The following THSD7B variants were observed in gnomAD, a reference collection of about 807,000 sequenced individuals.
The protein encoded by THSD7B is thrombospondin type-1 domain-containing protein 7B.
Under a neutral mutation model 213.6 loss-of-function variants are expected in THSD7B, and 138 were observed. The observed-to-expected ratio is 0.65, with a 90% confidence interval of 0.56 to 0.74. THSD7B has a LOEUF of 0.74. Among genes scored for constraint, THSD7B ranks in the 30% least tolerant of loss-of-function variants. The pLI, the probability that THSD7B is intolerant of heterozygous loss-of-function variation, is 0.00. For missense variants in THSD7B, 1,931 were observed against 1,991.5 expected (o/e 0.97, Z 0.58); for synonymous variants, 742 against 687.0 (o/e 1.08, Z -1.25).
At chr2:137,050,917 T>C (rs940497910) in intron 2 of THSD7B, among the ~76,000 whole-genome samples, 4 of 152,228 alleles carry the variant, frequency 2.6e-5, no homozygotes, top group African/African-American at 9.6e-5. Context: ...GTAATGGATA[T>C]ATCTGATGAG....
chr2:137,182,777 G>A (rs970942656), intron 7 of THSD7B, among the ~76,000 whole-genome samples: 1 of 152,110 alleles, frequency 6.6e-6, no homozygotes, highest in African/African-American at 2.4e-5. Context: ...GTGTCATCGT[G>A]TATACTGTGT....
At chr2:137,491,817 C>G (rs1291895329) in intron 15 of THSD7B, among the ~76,000 whole-genome samples, 1 of 152,152 alleles carries the variant, frequency 6.6e-6, no homozygotes, top group East Asian at 1.9e-4. Context: ...AAAAAAAATT[C>G]TGGAAAGAGA....
chr2:136,973,902 A>T (rs1310836529), intron 2 of THSD7B, among the ~76,000 whole-genome samples: 1 of 152,220 alleles, frequency 6.6e-6, no homozygotes, highest in African/African-American at 2.4e-5. Context: ...TTAAAACTAA[A>T]CTATCATGCG....
chr2:137,146,456 T>A (rs968268720), intron 5 of THSD7B, among the ~76,000 whole-genome samples: 15 of 152,092 alleles, frequency 9.9e-5, no homozygotes, highest in African/African-American at 3.4e-4. Context: ...TTAGGAATCA[T>A]AAAATCTTGG....
rs72977613 is a variant in THSD7B, at chr2:137,319,835, G to T, written c.2500+43809G>T. Among the ~76,000 whole-genome samples the T allele has an allele frequency of 1.3e-5, 2 of 151,936 alleles. 1 individual carries two copies. The highest frequency in any genetic ancestry group is 4.2e-4 in the South Asian group (2 of 4,816). ...CTTGGCGGTGGTGGCGGGTGGCGGG[G>T]GTGGTCAAATGAGTTATAAGCATAG... On this transcript the variant is annotated intron_variant, in intron 12 of 27. Transcript: ENST00000409968.
intron 2 of THSD7B, among the ~76,000 whole-genome samples, chr2:137,002,732 A>G (rs1032193577): frequency 6.6e-6 from 1 of 152,042 alleles, no homozygotes; most frequent in Non-Finnish European, 1.5e-5. Context: ...CCTGTATTTG[A>G]TTCTATATCA....
intron 1 of THSD7B, among the ~76,000 whole-genome samples, chr2:136,773,768 C>T (rs1007678111): frequency 1.1e-4 from 17 of 152,090 alleles, no homozygotes; most frequent in Admixed American, 3.9e-4. Flanking sequence ...TTCCTTTTAA[C>T]GGTACATACC....
chr2:137,583,856 T>G (rs1349623782), intron 17 of THSD7B, among the ~76,000 whole-genome samples: 2 of 152,214 alleles, frequency 1.3e-5, no homozygotes, highest in African/African-American at 2.4e-5. Flanking sequence ...TTAAAGTAGT[T>G]TTTTCCAATT....
intron 2 of THSD7B, among the ~76,000 whole-genome samples, chr2:136,940,814 T>C (rs1684810733): frequency 6.7e-6 from 1 of 149,604 alleles, no homozygotes; most frequent in African/African-American, 2.4e-5. Context: ...GGTAGTTTTT[T>C]TGTAGGTGTT....
intron 1 of THSD7B, among the ~76,000 whole-genome samples, chr2:136,804,229 C>A (rs1682243025): frequency 6.6e-6 from 1 of 152,096 alleles, no homozygotes; most frequent in South Asian, 2.1e-4. Flanking sequence ...AATGTAATTA[C>A]CTTTCTATGT....
intron 11 of THSD7B, among the ~76,000 whole-genome samples, chr2:137,273,025 TACACACACACACACACACAC>T (rs71877881): frequency 1.8e-4 from 25 of 140,970 alleles, no homozygotes; most frequent in African/African-American, 5.8e-4. Context: ...GGAGAAGGAA[TACACACACACACACACACAC>T]ACACACACAC....
chr2:137,229,627 G>A (rs896471160), intron 7 of THSD7B, among the ~76,000 whole-genome samples: 3 of 152,138 alleles, frequency 2.0e-5, no homozygotes, highest in African/African-American at 7.2e-5. Flanking sequence ...CTCAGAAAAA[G>A]AATATCCATC....
At chr2:136,911,853 T>C (rs1181726613) in intron 2 of THSD7B, among the ~76,000 whole-genome samples, 3 of 152,218 alleles carry the variant, frequency 2.0e-5, no homozygotes, top group African/African-American at 7.2e-5. Context: ...TTTCTAGACA[T>C]ATGCTTTAAT....
intron 12 of THSD7B, among the ~76,000 whole-genome samples, chr2:137,283,273 G>A (rs1320577462): frequency 6.6e-6 from 1 of 152,196 alleles, no homozygotes; most frequent in African/African-American, 2.4e-5. Flanking sequence ...TGAGACTGCT[G>A]AAGTTGCTTA....
intron 1 of THSD7B, among the ~76,000 whole-genome samples, chr2:136,879,058 T>C (rs913249919): frequency 2.6e-5 from 4 of 152,236 alleles, no homozygotes; most frequent in African/African-American, 9.6e-5. Flanking sequence ...AGGTCTAACA[T>C]TTAAATCTTT....
intron 5 of THSD7B, among the ~76,000 whole-genome samples, chr2:137,137,605 A>G (rs1267908811): frequency 2.6e-5 from 4 of 152,162 alleles, no homozygotes; most frequent in African/African-American, 9.7e-5. Context: ...GGTATGCCAT[A>G]TAGCCTAGGT....
chr2:136,911,815 G>C (rs1266795870), intron 2 of THSD7B, among the ~76,000 whole-genome samples: 1 of 152,138 alleles, frequency 6.6e-6, no homozygotes, highest in East Asian at 1.9e-4. Flanking sequence ...AAATCCTACG[G>C]ATATATTTGA....
intron 17 of THSD7B, among the ~76,000 whole-genome samples, chr2:137,573,476 T>G (rs1403437327): frequency 6.6e-6 from 1 of 152,224 alleles, no homozygotes; most frequent in African/African-American, 2.4e-5. Context: ...ATTCTATTCC[T>G]GAAAGAGATT....
At chr2:136,773,810 G>GTACA (rs915558163) in intron 1 of THSD7B, among the ~76,000 whole-genome samples, 5 of 151,232 alleles carry the variant, frequency 3.3e-5, no homozygotes, top group African/African-American at 1.2e-4. Flanking sequence ...CCTTTTAACT[G>GTACA]TACATAGTAG....
Sources: allele counts gnomAD v4.1 joint callset (sites outside exome capture counted in the v4.1 genomes callset), GRCh38; gene constraint gnomAD v4.1.1; transcripts MANE v1.5; gene names NCBI Gene and HGNC (gene_info 2026-07-23, HGNC 2026-07-21).